STARD9: variants seen among roughly 807,000 people sequenced by gnomAD.
STARD9 encodes the protein stAR-related lipid transfer protein 9.
In STARD9, 346 loss-of-function variants were observed where a neutral mutation model predicts 399.8. That is an observed-to-expected ratio of 0.87 (90% CI 0.79 to 0.95). The LOEUF (loss-of-function observed/expected upper bound fraction) is 0.95, where lower values mean the gene tolerates loss of function less well. Among genes scored for constraint, STARD9 ranks in the 40% least tolerant of loss-of-function variants. The pLI is 0.00. For missense variants in STARD9, 5,832 were observed against 5,667.5 expected (o/e 1.03, Z -0.93); for synonymous variants, 2,203 against 2,143.5 (o/e 1.03, Z -0.77).
Position 42,575,668 on chromosome 15 carries a change from GGATGCTGCCGCTGA to G in STARD9, c.-46_-33del. ...TGTCTGGGCTTAGGGCGGGGGCCTG[GGATGCTGCCGCTGA>G]GCTGACCCGCTGGACTTGGGTTGTG... On this transcript the variant is annotated 5_prime_UTR_variant, in exon 1 of 33. The change abolishes an upstream ATG in the 5' untranslated region. Transcript: ENST00000290607. 2 of 1,533,034 alleles carry G rather than the reference GGATGCTGCCGCTGA, an allele frequency of 1.3e-6. No individual in the cohort carries two copies. Among genetic ancestry groups the G allele is most frequent in the African/African-American group, 2.7e-5 (2 of 73,046 alleles). 95.0% of individuals were successfully genotyped at this position (1,533,034 alleles called of 1,614,324 possible).
chr15:42,662,183 T>G (rs1048193683), intron 10 of STARD9, among the ~76,000 whole-genome samples: 4 of 152,102 alleles, frequency 2.6e-5, no homozygotes, highest in Non-Finnish European at 5.9e-5. Context: ...GCCTTGTAGG[T>G]ATTAGAAGGG....
At chr15:42,589,330 G>A (rs1566855125) in intron 3 of STARD9, among the ~76,000 whole-genome samples, 2 of 152,152 alleles carry the variant, frequency 1.3e-5, no homozygotes. Flanking sequence ...GGGATTATAG[G>A]CATGAGTCAC....
intron 16 of STARD9, chr15:42,669,618 C>G: frequency 3.4e-6 from 1 of 294,286 alleles, no homozygotes; most frequent in East Asian, 5.6e-5. Flanking sequence ...CCTTAATTTC[C>G]TCATTTTAAA....
At chr15:42,580,767 A>G (rs1456035004) in intron 1 of STARD9, among the ~76,000 whole-genome samples, 1 of 152,166 alleles carries the variant, frequency 6.6e-6, no homozygotes, top group Non-Finnish European at 1.5e-5. Context: ...AGCAGAGATC[A>G]TGCCACTGCA....
chr15:42,601,688 G>A (rs539091007), intron 3 of STARD9, among the ~76,000 whole-genome samples: 166 of 152,202 alleles, frequency 1.1e-3, no homozygotes, highest in African/African-American at 3.9e-3. Context: ...CTCCATTGTC[G>A]GTCTGTTAAT....
intron 7 of STARD9, among the ~76,000 whole-genome samples, chr15:42,646,532 GCTT>G (rs1435740789): frequency 2.0e-5 from 3 of 152,184 alleles, no homozygotes; most frequent in African/African-American, 7.2e-5. Flanking sequence ...TTCTTCTGCA[GCTT>G]CTTCACTTCT....
In STARD9 at chr15:42,685,303, G is replaced by A. The variant is rs557756778; in HGVS notation, c.3725G>A (p.Ser1242Asn). 15 of 1,537,504 alleles carry A rather than the reference G, an allele frequency of 9.8e-6. No homozygotes were observed. In the African/African-American group the frequency reaches 1.5e-4, roughly 15 times the overall value. The change falls in exon 23 of 33, where the codon AGT becomes AAT. Residue 1242 changes from serine to asparagine, a missense_variant. By Grantham distance (46) the Ser-to-Asn change is conservative. Around this residue, in one of 2 missense-constraint regions of STARD9, gnomAD observed 5,828 missense variants for 5,651.1 expected, o/e 1.03. Coordinates refer to ENST00000290607, the MANE Select transcript of STARD9 (RefSeq NM_020759.3). Reference sequence around the variant, plus strand: ...ACTTTTTGGCACCTGGAGGACTCTAGTCTGCCTGTAATGGACCAAGAGGCA... The same window carrying A: ...ACTTTTTGGCACCTGGAGGACTCTAATCTGCCTGTAATGGACCAAGAGGCA... ...TETFWHLEDS[S>N]LPVMDQEAIC...
In STARD9 at chr15:42,690,004, CA is replaced by C. The variant is rs1566943785; in HGVS notation, c.8427del (p.Ala2810ProfsTer8). ...TTAGTGACTGCACAGGGAGAAAAAA[CA>C]GCCCATTTTGAAAGTCAGTCTGTGA... is the stretch of plus-strand genomic sequence containing the variant. Reference protein sequence around the residue: ...NLLVTAQGEKTAHFESQSVTC... With the variant: ...NLLVTAQGEKXAHFESQSVTC... On this transcript the variant is annotated frameshift_variant, in exon 23 of 33. Transcript: ENST00000290607. LOFTEE classifies it high-confidence loss of function. 6 of 1,537,248 alleles carry C rather than the reference CA, an allele frequency of 3.9e-6. No individual in the cohort carries two copies. Among genetic ancestry groups the C allele is most frequent in the Non-Finnish European group, 5.2e-6 (6 of 1,146,966 alleles).
chr15:42,681,408 C>A lies in STARD9; in HGVS notation c.1875-14C>A. On this transcript the variant is annotated splice_polypyrimidine_tract_variant and intron_variant, in intron 20 of 32. Coordinates refer to ENST00000290607, the MANE Select transcript of STARD9 (RefSeq NM_020759.3). ...GCATTTCCCCTTGGGTAACCTCAGC[C>A]GCTTCTGTGACAGGAGAGCGCTTGA... 2 of 1,533,052 alleles carry A rather than the reference C, an allele frequency of 1.3e-6. No homozygotes were observed. The highest frequency in any genetic ancestry group is 1.7e-6 in the Non-Finnish European group (2 of 1,145,074). 95.0% of individuals were successfully genotyped at this position (1,533,052 alleles called of 1,614,324 possible). A position where few individuals can be genotyped will look rare whatever the true frequency, so the allele number is the denominator to read the frequency against.
rs1417584316 is a variant in STARD9 at position 42,575,620 on chromosome 15, C to G, written c.-96C>G. 7.4e-7 allele frequency: 1 copy of G among 1,346,086 alleles called. No individual in the cohort carries two copies. The highest frequency in any genetic ancestry group is 1.0e-6 in the Non-Finnish European group (1 of 991,474). The allele number at this position is 1,346,086 out of a possible 1,614,324, so 83.4% of individuals were successfully genotyped here. On this transcript the variant is annotated 5_prime_UTR_variant, in exon 1 of 33. Transcript: ENST00000290607. ...GCGGCGTCCCCAGAGGCGCGTGGGGCGGGCGGGGCTGGGTTGGGGCTGTGT... is the reference window on the plus strand; with the variant it reads ...GCGGCGTCCCCAGAGGCGCGTGGGGGGGGCGGGGCTGGGTTGGGGCTGTGT...
chr15:42,712,091 A>AT (rs2061242746), intron 26 of STARD9, among the ~76,000 whole-genome samples: 1 of 84 alleles, frequency 0.012, no homozygotes, highest in East Asian at 0.17. Flanking sequence ...TTATATATAT[A>AT]TATATAATAT....
Position 42,686,173 on chromosome 15 carries a change from TGCCAGTTG to T in STARD9, c.4599_4606del (p.Val1534Ter). ...TCTAGCAAAGGAGGAGATACTCTAT[TGCCAGTTG>T]GCCCTAGGGTATCTAGCAATCTGAA... is the stretch of plus-strand genomic sequence containing the variant. On this transcript the variant is annotated frameshift_variant, in exon 23 of 33. Coordinates refer to ENST00000290607, the MANE Select transcript of STARD9 (RefSeq NM_020759.3). LOFTEE classifies it high-confidence loss of function. 6.5e-7 allele frequency: 1 copy of T among 1,537,440 alleles called. No homozygotes were observed. Among genetic ancestry groups the T allele is most frequent in the East Asian group, 2.4e-5 (1 of 40,920 alleles).
chr15:42,675,984 T>C lies in STARD9; in HGVS notation c.1874+9T>C, dbSNP rs1484112578. 8.5e-6 allele frequency: 13 copies of C among 1,530,764 alleles called. No homozygotes were observed. The highest frequency in any genetic ancestry group is 1.2e-5 in the South Asian group (1 of 83,894). The allele number at this position is 1,530,764 out of a possible 1,614,324, so 94.8% of individuals were successfully genotyped here. ...TTGCTTTGGAAGGAAAGGTAAGAAA[T>C]AGCTGCTTATACTGATGTGGAACCT... On this transcript the variant is annotated intron_variant, in intron 20 of 32. Coordinates refer to ENST00000290607, the MANE Select transcript of STARD9 (RefSeq NM_020759.3).
At position 42,665,273 on chromosome 15, in the gene STARD9, T is replaced by G; in HGVS notation, c.1197T>G (p.Ile399Met). The change falls in exon 14 of 33, where the codon ATT becomes ATG. Residue 399 changes from isoleucine (I) to methionine (M), a missense_variant. By Grantham distance (10) the Ile-to-Met change is conservative. This residue lies in a region of STARD9 where 5,828 missense variants were observed against 5,651.1 expected (regional missense o/e 1.03). Transcript: ENST00000290607. ...TTCAGGATGCAAACTTAAAACTGAT[T>G]AGAGAACTCAGAGAAGAGATTGAAA... ...RVNEDANLKL[I>M]RELREEIERL... The G allele has an allele frequency of 1.3e-6, 2 of 1,537,036 alleles. No homozygotes were observed. Among genetic ancestry groups the G allele is most frequent in the Non-Finnish European group, 1.7e-6 (2 of 1,146,750 alleles).
chr15:42,630,541 T>A (rs1318852941), intron 3 of STARD9, among the ~76,000 whole-genome samples: 1 of 152,176 alleles, frequency 6.6e-6, no homozygotes, highest in African/African-American at 2.4e-5. Context: ...TTGGTAAAAT[T>A]CAGCAGTGAA....
intron 1 of STARD9, among the ~76,000 whole-genome samples, chr15:42,577,923 G>C (rs571775027): frequency 6.6e-6 from 1 of 152,308 alleles, no homozygotes; most frequent in African/African-American, 2.4e-5. Context: ...AAATCTTACA[G>C]ATGATCTGGC....
intron 3 of STARD9, among the ~76,000 whole-genome samples, chr15:42,632,230 A>G (rs895701914): frequency 7.9e-5 from 12 of 151,892 alleles, no homozygotes; most frequent in Non-Finnish European, 1.6e-4. Context: ...CTTGAAATCT[A>G]TTTTTTCTGA....
intron 3 of STARD9, among the ~76,000 whole-genome samples, chr15:42,621,685 A>ACAGT: frequency 6.6e-6 from 1 of 152,370 alleles, no homozygotes; most frequent in Non-Finnish European, 1.5e-5. Context: ...AAAGTAGGTT[A>ACAGT]CAGTCTGTTT....
rs1470275297 is a variant in STARD9 at position 42,634,449 on chromosome 15, A to T, written c.235-407A>T. On this transcript the variant is annotated intron_variant, in intron 3 of 32. Coordinates refer to ENST00000290607, the MANE Select transcript of STARD9 (RefSeq NM_020759.3). ...TTACTGATCTTCAGTATGGTATCCT[A>T]AGACCCTGAATTTGTATGTTATTGG... 4.6e-5 allele frequency among the ~76,000 whole-genome samples: 7 copies of T among 152,336 alleles called. No homozygotes were observed. In the East Asian group the frequency reaches 1.2e-3, roughly 25 times the overall value.
Sources: allele counts gnomAD v4.1 joint callset (sites outside exome capture counted in the v4.1 genomes callset), GRCh38; gene constraint gnomAD v4.1.1; regional missense constraint gnomAD v4.1.1; transcripts MANE v1.5; gene names NCBI Gene and HGNC (gene_info 2026-07-23, HGNC 2026-07-21).